PID1: variants seen among roughly 807,000 people sequenced by gnomAD.
PID1 encodes PTB-containing, cubilin and LRP1-interacting protein.
A neutral mutation model predicts 19.1 loss-of-function variants in PID1; 10 were observed. The ratio of observed to expected loss-of-function variants is 0.52; its 90% confidence interval spans 0.32 to 0.89. PID1 has a LOEUF of 0.89. Ranked by LOEUF, PID1 falls within the 40% of genes least tolerant of loss-of-function variation. PID1 has a pLI of 0.03. For synonymous variants in PID1, 130 were observed against 116.0 expected (o/e 1.12, Z -0.78); for missense variants, 248 against 285.3 (o/e 0.87, Z 0.94).
At chr2:229,095,282 A>C (rs1351866004) in intron 2 of PID1, among the ~76,000 whole-genome samples, 1 of 152,190 alleles carries the variant, frequency 6.6e-6, no homozygotes, top group East Asian at 1.9e-4. Context: ...AAAATGCTTA[A>C]CACAAATAAA....
At chr2:229,241,938 G>A (rs1270296047) in intron 1 of PID1, among the ~76,000 whole-genome samples, 1 of 152,002 alleles carries the variant, frequency 6.6e-6, no homozygotes, top group Non-Finnish European at 1.5e-5. Context: ...TAAAATACTA[G>A]TAACTAGTAA....
chr2:229,270,841 T>C (rs1244857765), intron 1 of PID1, among the ~76,000 whole-genome samples, 173 bp downstream of exon 1: 2 of 152,156 alleles, frequency 1.3e-5, no homozygotes, highest in African/African-American at 2.4e-5. Context: ...ATCATCCCCA[T>C]ACCCCTGCCG....
chr2:229,185,594 A>C (rs145150937), intron 1 of PID1, among the ~76,000 whole-genome samples: 2 of 152,316 alleles, frequency 1.3e-5, no homozygotes, highest in East Asian at 3.9e-4. Flanking sequence ...GCAGGCATTC[A>C]TGTAAAGAGA....
intron 1 of PID1, among the ~76,000 whole-genome samples, chr2:229,209,965 T>C (rs1691691171): frequency 6.6e-6 from 1 of 152,116 alleles, no homozygotes; most frequent in Non-Finnish European, 1.5e-5. Flanking sequence ...AAAATGAACA[T>C]ACATGTTGAA....
At chr2:229,028,850 C>T (rs530584537) in intron 2 of PID1, among the ~76,000 whole-genome samples, 16 of 152,284 alleles carry the variant, frequency 1.1e-4, no homozygotes, top group African/African-American at 2.2e-4. Flanking sequence ...CAATTTCATA[C>T]GAAGTTACCC....
intron 2 of PID1, among the ~76,000 whole-genome samples, chr2:229,129,317 G>A (rs1033925542): frequency 7.9e-5 from 12 of 151,984 alleles, no homozygotes; most frequent in African/African-American, 2.9e-4. Context: ...GGGAGGCTGA[G>A]GCAGGAGAAT....
At chr2:229,113,038 C>G (rs867725127) in intron 2 of PID1, among the ~76,000 whole-genome samples, 3 of 152,040 alleles carry the variant, frequency 2.0e-5, no homozygotes, top group Non-Finnish European at 4.4e-5. Context: ...CCAGCAGACT[C>G]TATGTGAGAG....
intron 2 of PID1, among the ~76,000 whole-genome samples, chr2:229,154,895 A>AAG (rs1690333758): frequency 6.6e-6 from 1 of 152,188 alleles, no homozygotes; most frequent in Non-Finnish European, 1.5e-5. Context: ...ACTCAAGCAA[A>AAG]AGAGAGTATC....
chr2:229,051,066 C>G (rs1693986340), intron 2 of PID1, among the ~76,000 whole-genome samples: 2 of 152,100 alleles, frequency 1.3e-5, no homozygotes, highest in Admixed American at 1.3e-4. Context: ...TTAGGATTCT[C>G]TACATGTACT....
At chr2:229,049,627 A>G (rs1693950331) in intron 2 of PID1, among the ~76,000 whole-genome samples, 1 of 93,256 alleles carries the variant, frequency 1.1e-5, no homozygotes, top group Admixed American at 1.3e-4. Context: ...AGAGCTTAAT[A>G]TAGTATAAGA....
chr2:229,197,307 T>C (rs1470494604), intron 1 of PID1, among the ~76,000 whole-genome samples: 1 of 151,870 alleles, frequency 6.6e-6, no homozygotes, highest in Non-Finnish European at 1.5e-5. Flanking sequence ...AAAAATGTAA[T>C]AAAATTCCTA....
chr2:229,081,578 A>C lies in PID1; in HGVS notation c.178-55470T>G, dbSNP rs1304454023. On this transcript the variant is annotated intron_variant, in intron 2 of 2. Coordinates refer to ENST00000392055, the MANE Select transcript of PID1 (RefSeq NM_001100818.2). ...ATGCAGATGGCATTTTAGAAGAACC[A>C]TTTGGCAGCAGCATGATGAAACCAC... Among the ~76,000 whole-genome samples, 3 of 152,164 alleles carry C rather than the reference A, an allele frequency of 2.0e-5. No homozygotes were observed. The East Asian group carries it at 5.8e-4, about 29-fold the overall frequency.
At chr2:229,228,816 T>C (rs1692139579) in intron 1 of PID1, among the ~76,000 whole-genome samples, 1 of 152,186 alleles carries the variant, frequency 6.6e-6, no homozygotes, top group Non-Finnish European at 1.5e-5. Flanking sequence ...TCCACAAAAA[T>C]ACCATTTGTT....
chr2:229,260,251 T>G (rs1690420312), intron 1 of PID1, among the ~76,000 whole-genome samples: 1 of 151,880 alleles, frequency 6.6e-6, no homozygotes, highest in African/African-American at 2.4e-5. Context: ...ACACAAAAAT[T>G]TATAGCAGTA....
chr2:229,090,581 C>A (rs962638320), intron 2 of PID1, among the ~76,000 whole-genome samples: 1 of 152,166 alleles, frequency 6.6e-6, no homozygotes. Context: ...AGGCCTTAGT[C>A]CTACTCCTCC....
chr2:229,256,984 A>G (rs531332240), intron 1 of PID1, among the ~76,000 whole-genome samples: 2 of 152,326 alleles, frequency 1.3e-5, no homozygotes, highest in South Asian at 4.1e-4. Flanking sequence ...TTAAAAACCC[A>G]TGGTCTTTCC....
chr2:229,249,641 G>A (rs1690099418), intron 1 of PID1, among the ~76,000 whole-genome samples: 1 of 152,112 alleles, frequency 6.6e-6, no homozygotes, highest in African/African-American at 2.4e-5. Flanking sequence ...GAGCTGAATG[G>A]TATAACTGAA....
chr2:229,122,896 G>A (rs756449589), intron 2 of PID1, among the ~76,000 whole-genome samples: 31 of 152,116 alleles, frequency 2.0e-4, no homozygotes, highest in Non-Finnish European at 4.0e-4. Context: ...ACTGGAACCC[G>A]CTGTACAGCA....
chr2:229,233,412 G>A (rs1198851707), intron 1 of PID1, among the ~76,000 whole-genome samples: 1 of 152,016 alleles, frequency 6.6e-6, no homozygotes, highest in African/African-American at 2.4e-5. Context: ...GGATGGGGCT[G>A]GGAGACCAAG....
Sources: gnomAD v4.1 joint callset for allele counts (sites outside exome capture counted in the v4.1 genomes callset) on GRCh38, gnomAD v4.1.1 for gene constraint, MANE v1.5 for transcripts, NCBI Gene and HGNC (gene_info 2026-07-23, HGNC 2026-07-21) for gene names.